HS3ST4: variants seen among roughly 807,000 people sequenced by gnomAD.
The protein encoded by HS3ST4 is heparan sulfate-glucosamine 3-sulfotransferase 4.
Under a neutral mutation model 29.2 loss-of-function variants are expected in HS3ST4, and 17 were observed. That is an observed-to-expected ratio of 0.58 (90% CI 0.40 to 0.87). HS3ST4 has a LOEUF of 0.87. Among genes scored for constraint, HS3ST4 ranks in the 40% least tolerant of loss-of-function variants. The pLI is 0.00. For missense variants in HS3ST4, 627 were observed against 634.5 expected, an observed-to-expected ratio of 0.99 and a Z score of 0.13; for synonymous variants, 314 against 285.7, an observed-to-expected ratio of 1.10 and a Z score of -1.00.
chr16:25,983,789 C>T (rs1202159412), intron 1 of HS3ST4, among the ~76,000 whole-genome samples: 1 of 152,144 alleles, frequency 6.6e-6, no homozygotes, highest in Non-Finnish European at 1.5e-5. Flanking sequence ...TTTCTGAAAA[C>T]CCAGAATCAT....
Position 25,692,812 on chromosome 16 carries a change from G to T in HS3ST4, c.395G>T (p.Gly132Val). ...GACGGCTGGGGGCTGCCGAGCGGCG[G>T]CGGAGGCGCCCAGGACGCCTGGCTC... Reference protein sequence around the residue: ...GTDGWGLPSGGGGAQDAWLRT... With the variant: ...GTDGWGLPSGVGGAQDAWLRT... The change falls in exon 1 of 2, where the codon GGC becomes GTC. Residue 132 changes from glycine (G) to valine (V), a missense_variant. This residue lies in a region of HS3ST4 where 402 missense variants were observed against 340.8 expected (regional missense o/e 1.18). Transcript: ENST00000331351. 1 of 1,383,908 alleles carries T rather than the reference G, an allele frequency of 7.2e-7. No individual in the cohort carries two copies. Among genetic ancestry groups the T allele is most frequent in the Non-Finnish European group, 9.3e-7 (1 of 1,077,766 alleles). The allele number at this position is 1,383,908 out of a possible 1,614,324, so 85.7% of individuals were successfully genotyped here.
chr16:25,983,463 TG>T (rs1344038020), intron 1 of HS3ST4, among the ~76,000 whole-genome samples: 1 of 152,218 alleles, frequency 6.6e-6, no homozygotes, highest in African/African-American at 2.4e-5. Context: ...TCCCTGTGCC[TG>T]GGATCCTCCT....
intron 1 of HS3ST4, among the ~76,000 whole-genome samples, chr16:25,839,318 G>C (rs146910515): frequency 6.6e-6 from 1 of 152,310 alleles, no homozygotes; most frequent in Non-Finnish European, 1.5e-5. Context: ...AGGAAGACTT[G>C]GCTGTCTTGC....
chr16:26,000,634 G>A (rs868603123), intron 1 of HS3ST4, among the ~76,000 whole-genome samples: 44 of 152,240 alleles, frequency 2.9e-4, no homozygotes, highest in African/African-American at 1.1e-3. Flanking sequence ...TCATAGGAAT[G>A]GTTATTGGAC....
At chr16:25,766,003 A>G (rs16975189) in intron 1 of HS3ST4, among the ~76,000 whole-genome samples, 12,520 of 152,114 alleles carry the variant, frequency 0.082, 556 homozygotes, top group African/African-American at 0.11. Context: ...CAGTGCATTG[A>G]TTAGCAAGTC....
intron 1 of HS3ST4, among the ~76,000 whole-genome samples, chr16:25,813,307 A>G (rs1164756009): frequency 6.6e-6 from 1 of 152,194 alleles, no homozygotes; most frequent in Non-Finnish European, 1.5e-5. Context: ...AGGTGTTAGG[A>G]TGTGGAGCAA....
At chr16:25,799,290 C>T (rs1179880274) in intron 1 of HS3ST4, among the ~76,000 whole-genome samples, 1 of 152,150 alleles carries the variant, frequency 6.6e-6, no homozygotes, top group Non-Finnish European at 1.5e-5. Flanking sequence ...TTCAAAGGTT[C>T]TTTCTCTGCT....
At chr16:25,742,154 G>C (rs1308651258) in intron 1 of HS3ST4, among the ~76,000 whole-genome samples, 1 of 152,170 alleles carries the variant, frequency 6.6e-6, no homozygotes, top group Non-Finnish European at 1.5e-5. Flanking sequence ...TGCTGGCTTT[G>C]AGTGTGCAAA....
At chr16:26,016,398 C>T (rs980506633) in intron 1 of HS3ST4, among the ~76,000 whole-genome samples, 1 of 152,130 alleles carries the variant, frequency 6.6e-6, no homozygotes, top group East Asian at 1.9e-4. Flanking sequence ...CACTGAATCA[C>T]GTAGTAAAGA....
intron 1 of HS3ST4, among the ~76,000 whole-genome samples, chr16:25,944,105 G>A (rs1420992766): frequency 6.6e-6 from 1 of 152,084 alleles, no homozygotes; most frequent in Non-Finnish European, 1.5e-5. Context: ...CAGTGAAAGA[G>A]CCTCTTTTTC....
chr16:25,942,244 A>G (rs1430611602), intron 1 of HS3ST4, among the ~76,000 whole-genome samples: 2 of 152,172 alleles, frequency 1.3e-5, no homozygotes. Context: ...ATGATGGGAT[A>G]TCCATTGCAC....
chr16:26,095,678 T>C (rs1487939278), intron 1 of HS3ST4, among the ~76,000 whole-genome samples: 1 of 152,108 alleles, frequency 6.6e-6, no homozygotes, highest in Non-Finnish European at 1.5e-5. Context: ...AGATCTAAAA[T>C]TGACACTCTA....
At chr16:25,882,581 A>T (rs1230674939) in intron 1 of HS3ST4, among the ~76,000 whole-genome samples, 1 of 152,152 alleles carries the variant, frequency 6.6e-6, no homozygotes, top group Non-Finnish European at 1.5e-5. Context: ...TCTAGGGAGA[A>T]GTCAAACTGG....
At chr16:26,119,270 G>A (rs919590510) in intron 1 of HS3ST4, among the ~76,000 whole-genome samples, 1 of 152,238 alleles carries the variant, frequency 6.6e-6, no homozygotes, top group East Asian at 1.9e-4. Flanking sequence ...GGCATTTAGA[G>A]GAACAAGACA....
At chr16:25,952,405 C>T (rs1968691099) in intron 1 of HS3ST4, among the ~76,000 whole-genome samples, 1 of 152,136 alleles carries the variant, frequency 6.6e-6, no homozygotes, top group South Asian at 2.1e-4. Context: ...TAGATCATGG[C>T]CCTGTGGCCA....
intron 1 of HS3ST4, among the ~76,000 whole-genome samples, chr16:25,909,649 T>C (rs1205699817): frequency 1.3e-5 from 2 of 152,166 alleles, no homozygotes; most frequent in African/African-American, 4.8e-5. Flanking sequence ...CTGGGGTGAA[T>C]GTTTAACTGA....
At chr16:25,708,443 T>C (rs763465493) in intron 1 of HS3ST4, among the ~76,000 whole-genome samples, 28 of 152,242 alleles carry the variant, frequency 1.8e-4, no homozygotes, top group Non-Finnish European at 4.0e-4. Context: ...AATTTCTTCA[T>C]TTGTGTTCAG....
intron 1 of HS3ST4, among the ~76,000 whole-genome samples, chr16:25,978,198 G>T (rs1596633297): frequency 6.6e-6 from 1 of 152,178 alleles, no homozygotes; most frequent in East Asian, 1.9e-4. Flanking sequence ...GGGAGTGTGG[G>T]TTGCCATATA....
intron 1 of HS3ST4, among the ~76,000 whole-genome samples, chr16:26,044,634 A>T (rs1034531492): frequency 6.6e-6 from 1 of 152,170 alleles, no homozygotes; most frequent in Non-Finnish European, 1.5e-5. Flanking sequence ...TTAAAAAAAA[A>T]TAGGAGGGAT....
Sources: allele counts gnomAD v4.1 joint callset (sites outside exome capture counted in the v4.1 genomes callset), GRCh38; gene constraint gnomAD v4.1.1; regional missense constraint gnomAD v4.1.1; transcripts MANE v1.5; gene names NCBI Gene and HGNC (gene_info 2026-07-23, HGNC 2026-07-21).